SEMA6B: variants seen among roughly 807,000 people sequenced by gnomAD.
SEMA6B encodes semaphorin 6B.
Under a neutral mutation model 78.6 loss-of-function variants are expected in SEMA6B, and 47 were observed. The ratio of observed to expected loss-of-function variants is 0.60; its 90% CI spans 0.47 to 0.76. The LOEUF is 0.76. Among genes scored for constraint, SEMA6B ranks in the 30% least tolerant of loss-of-function variants. The probability of loss-of-function intolerance (pLI) is 0.00; values close to 1 mark genes in which losing one functional copy is unlikely to be tolerated. For missense variants in SEMA6B, 1,213 were observed against 1,269.9 expected (o/e 0.96, Z 0.68); for synonymous variants, 632 against 592.2 (o/e 1.07, Z -0.98).
chr19:4,551,532 T>C (rs747567695), intron 10 of SEMA6B, among the ~76,000 whole-genome samples: 10 of 151,750 alleles, frequency 6.6e-5, no homozygotes, highest in Non-Finnish European at 1.2e-4. Context: ...AAGCAGGCTT[T>C]TTAAAAATGC....
rs1977070963 is a variant in SEMA6B at position 4,543,390 on chromosome 19, C to G, written c.*211G>C. ...GCAAAGTCCTCCCGCCCACCCACCC[C>G]CAAACCGTCTCAGCGTCCTGCGGCC... is the stretch of plus-strand genomic sequence containing the variant. On this transcript the variant is annotated 3_prime_UTR_variant, in exon 17 of 17. Transcript: ENST00000586582. 1 of 405,698 alleles carries G rather than the reference C, an allele frequency of 2.5e-6. No individual in the cohort carries two copies. Among genetic ancestry groups the G allele is most frequent in the Non-Finnish European group, 4.3e-6 (1 of 230,286 alleles). The allele number at this position is 405,698 out of a possible 1,614,324, so 25.1% of individuals were successfully genotyped here. A position where few individuals can be genotyped will look rare whatever the true frequency, so the allele number is the denominator to read the frequency against.
Position 4,552,538 on chromosome 19 carries a change from G to A in SEMA6B, c.873C>T (p.Asn291=). The A allele has an allele frequency of 6.2e-7, 1 of 1,612,936 alleles. No homozygotes were observed. The highest frequency in any genetic ancestry group is 8.5e-7 in the Non-Finnish European group (1 of 1,179,986). The stretch of plus-strand genomic sequence containing the variant: ...AATGGGAGTCTCCGGGTACAGAGCA[G>A]TTGAGCCGCGCCTTCAGGAAGGACG... ...QWTSFLKARL[N]CSVPGDSHFY... The change falls in exon 10 of 17, where the codon AAC becomes AAT. Residue 291 remains asparagine (N), a synonymous_variant. Transcript: ENST00000586582. This position sits in a 1 kb window ranked among gnomAD's most constrained non-coding sequence, Gnocchi z 7.4.
Position 4,550,511 on chromosome 19 carries a change from G to GTA in SEMA6B, c.1122-240_1122-239insTA, listed in dbSNP as rs1977299798. ...CCCGAGTGGCTGGGATTACAGGCACGTGCCATCACGCCCGGCTAATTTTTG... is the reference window on the plus strand; with the variant it reads ...CCCGAGTGGCTGGGATTACAGGCACGTATGCCATCACGCCCGGCTAATTTTTG... On this transcript the variant is annotated intron_variant, in intron 11 of 16. Coordinates refer to ENST00000586582, the MANE Select transcript of SEMA6B (RefSeq NM_032108.4). This position sits in a 1 kb window ranked among gnomAD's most constrained non-coding sequence, Gnocchi z 6.6. Among the ~76,000 whole-genome samples, 2 of 152,068 alleles carry GTA rather than the reference G, an allele frequency of 1.3e-5. No individual in the cohort carries two copies. The highest frequency in any genetic ancestry group is 2.1e-4 in the South Asian group (1 of 4,822).
At chr19:4,547,262 G>C (rs539064810) in intron 14 of SEMA6B, among the ~76,000 whole-genome samples, 18 of 152,254 alleles carry the variant, frequency 1.2e-4, no homozygotes, top group Admixed American at 5.9e-4. Context: ...GAGCTACCAA[G>C]CCCAGTCCCT....
chr19:4,558,209 G>A lies in SEMA6B; in HGVS notation c.122-60C>T. The A allele has an allele frequency of 7.3e-7, 1 of 1,365,366 alleles. No individual in the cohort carries two copies. The highest frequency in any genetic ancestry group is 9.6e-7 in the Non-Finnish European group (1 of 1,045,178). 84.6% of individuals were successfully genotyped at this position (1,365,366 alleles called of 1,614,324 possible). On this transcript the variant is annotated intron_variant, in intron 2 of 16. Coordinates refer to ENST00000586582, the MANE Select transcript of SEMA6B (RefSeq NM_032108.4). This position sits in a 1 kb window ranked among gnomAD's most constrained non-coding sequence, Gnocchi z 5.1. ...GCTGGGGGTGAAGAGAGGGTGGCCT[G>A]AGGTCATGCCCCTTCTAGGGGTGGC...
At position 4,556,950 on chromosome 19, in the gene SEMA6B, C is replaced by G; in HGVS notation, c.369+1G>C. 1.2e-6 allele frequency: 2 copies of G among 1,612,740 alleles called. No homozygotes were observed. Among genetic ancestry groups the G allele is most frequent in the Non-Finnish European group, 1.7e-6 (2 of 1,179,312 alleles). On this transcript the variant is annotated splice_donor_variant, in intron 5 of 16. Transcript: ENST00000586582. LOFTEE classifies it high-confidence loss of function. ...CCGGGACCGAGCCAGGGCCAACTCA[C>G]CTCCTGTTTGCCCTTCATCCGACAC...
At position 4,544,535 on chromosome 19, in the gene SEMA6B, C is replaced by T; in HGVS notation, c.1739-6G>A. ...GAGGCTGGCCCGCAGGAGTCCTGGC[C>T]GGGGAGCACAGGGGGGTTAGTGGGG... On this transcript the variant is annotated splice_polypyrimidine_tract_variant and splice_region_variant and intron_variant, in intron 16 of 16. Coordinates refer to ENST00000586582, the MANE Select transcript of SEMA6B (RefSeq NM_032108.4). This position sits in a 1 kb window ranked among gnomAD's most constrained non-coding sequence, Gnocchi z 5.1. 1.3e-6 allele frequency: 2 copies of T among 1,503,032 alleles called. No individual in the cohort carries two copies. Among genetic ancestry groups the T allele is most frequent in the East Asian group, 2.7e-5 (1 of 37,002 alleles). The allele number at this position is 1,503,032 out of a possible 1,614,324, so 93.1% of individuals were successfully genotyped here.
intron 12 of SEMA6B, among the ~76,000 whole-genome samples, chr19:4,548,761 G>A (rs1415429952): frequency 5.3e-5 from 8 of 152,162 alleles, no homozygotes; most frequent in Admixed American, 6.5e-5. Flanking sequence ...TCCGCCTCCC[G>A]GGTTCAAGCA....
Position 4,558,491 on chromosome 19 carries a change from T to A in SEMA6B, c.-32-2A>T. On this transcript the variant is annotated splice_acceptor_variant, in intron 1 of 16. Coordinates refer to ENST00000586582, the MANE Select transcript of SEMA6B (RefSeq NM_032108.4). LOFTEE classifies it low-confidence loss of function (5UTR_SPLICE). The surrounding 1 kb of genome is among the most constrained non-coding windows in gnomAD (Gnocchi z 5.1). ...CCAGGCGACAGGAGGAGGTGACGCC[T>A]GCGGGCAAGGGGCGGCGAGGTGAGC... The A allele has an allele frequency of 8.1e-7, 1 of 1,236,304 alleles. No homozygotes were observed. The highest frequency in any genetic ancestry group is 3.2e-5 in the East Asian group (1 of 31,712). 76.6% of individuals were successfully genotyped at this position (1,236,304 alleles called of 1,614,324 possible).
chr19:4,556,091 TG>T lies in SEMA6B; in HGVS notation c.370-3del, dbSNP rs770534759. 2 of 1,610,818 alleles carry T rather than the reference TG, an allele frequency of 1.2e-6. No homozygotes were observed. The highest frequency in any genetic ancestry group is 1.1e-5 in the South Asian group (1 of 91,028). The stretch of plus-strand genomic sequence containing the variant: ...CTTTACGAAGTTTCGACACTCGCCC[TG>T]AGGTGGGGACAGGAGGAAGCGGGGA... On this transcript the variant is annotated splice_region_variant and splice_polypyrimidine_tract_variant and intron_variant, in intron 5 of 16. Coordinates refer to ENST00000586582, the MANE Select transcript of SEMA6B (RefSeq NM_032108.4).
In SEMA6B at chr19:4,555,399, C is replaced by A; in HGVS notation, c.562+75G>T. 1.5e-6 allele frequency: 2 copies of A among 1,340,178 alleles called. No homozygotes were observed. 83.0% of individuals were successfully genotyped at this position (1,340,178 alleles called of 1,614,324 possible). On this transcript the variant is annotated intron_variant, in intron 7 of 16. Transcript: ENST00000586582. This position sits in a 1 kb window ranked among gnomAD's most constrained non-coding sequence, Gnocchi z 6.1. ...TCGTCCAGCTGCCTTCTAAACAACC[C>A]AGACGCTGGAGTAGAAAATGCCAGG...
At chr19:4,553,344 G>T (rs1977380239) in intron 9 of SEMA6B, among the ~76,000 whole-genome samples, 1 of 148,758 alleles carries the variant, frequency 6.7e-6, no homozygotes, top group African/African-American at 2.5e-5. Flanking sequence ...ATGGATGGAT[G>T]GGTGAGTTGG....
In SEMA6B at chr19:4,544,837, G is replaced by A. The variant is rs28397120; in HGVS notation, c.1739-308C>T. 0.099 allele frequency among the ~76,000 whole-genome samples: 15,080 copies of A among 152,034 alleles called. 1,385 individuals carry two copies. The highest frequency in any genetic ancestry group is 0.24 in the African/African-American group (9,944 of 41,448). ...TTTTAGTAGGATGGGGTTTCACCAC[G>A]TTGGCCAGGCTGGTCTGAACTCCTG... On this transcript the variant is annotated intron_variant, in intron 16 of 16. Coordinates refer to ENST00000586582, the MANE Select transcript of SEMA6B (RefSeq NM_032108.4). This position sits in a 1 kb window ranked among gnomAD's most constrained non-coding sequence, Gnocchi z 5.1.
rs1207249004 is a variant in SEMA6B at position 4,548,369 on chromosome 19, C to T, written c.1348G>A (p.Glu450Lys). The T allele has an allele frequency of 1.9e-6, 3 of 1,613,796 alleles. No individual in the cohort carries two copies. The African/African-American group carries it at 4.0e-5, about 22-fold the overall frequency. The change falls in exon 13 of 17, where the codon GAG (glutamate) becomes AAG (lysine). Residue 450 changes from glutamate (E) to lysine (K), a missense_variant. Transcript: ENST00000586582. ...AGGAACTTGAGGACCGTCCCCGCCT[C>T]AGAACCCAGGAAGACAACGGTCTGG... ...GNQTVVFLGS[E>K]AGTVLKFLVR...
chr19:4,555,528 C>T lies in SEMA6B; in HGVS notation c.508G>A (p.Gly170Ser). 13 of 1,613,548 alleles carry T rather than the reference C, an allele frequency of 8.1e-6. No individual in the cohort carries two copies. Among genetic ancestry groups the T allele is most frequent in the African/African-American group, 1.3e-5 (1 of 74,998 alleles). ...GGGTCGTACGGGCAGCGGGCCATAC[C>T]GCTGATGTTGTCTCCGACGGGCTGC... Reference protein sequence around the residue: ...TLQPVGDNISGMARCPYDPKH... With the variant: ...TLQPVGDNISSMARCPYDPKH... The change falls in exon 7 of 17, where the codon GGT becomes AGT. Residue 170 changes from glycine to serine, a missense_variant. Transcript: ENST00000586582. The surrounding 1 kb of genome is among the most constrained non-coding windows in gnomAD (Gnocchi z 6.1).
rs970908239 is a variant in SEMA6B, at chr19:4,548,141, T to C, written c.1487A>G (p.Gln496Arg). 1.4e-5 allele frequency: 23 copies of C among 1,592,382 alleles called. No individual in the cohort carries two copies. Among genetic ancestry groups the C allele is most frequent in the Non-Finnish European group, 2.0e-5 (23 of 1,170,616 alleles). Residue 496 changes from glutamine (Q) to arginine (R), a missense_variant, in exon 14 of 17, where the codon CAG becomes CGG. Transcript: ENST00000586582. ...GTCCAGCTCCAAGCTCAGCAGCCGCTGCCCTGTCTCGCCACCGCCGGGCCG... is the reference window on the plus strand; with the variant it reads ...GTCCAGCTCCAAGCTCAGCAGCCGCCGCCCTGTCTCGCCACCGCCGGGCCG... The part of the protein sequence containing the change: ...CGRPGGGETG[Q>R]RLLSLELDAA...
Position 4,544,484 on chromosome 19 carries a change from G to A in SEMA6B, c.1784C>T (p.Ser595Leu), listed in dbSNP as rs761365296. Residue 595 changes from serine to leucine, a missense_variant, in exon 17 of 17, where the codon TCG (serine) becomes TTG (leucine). Coordinates refer to ENST00000586582, the MANE Select transcript of SEMA6B (RefSeq NM_032108.4). The surrounding 1 kb of genome is among the most constrained non-coding windows in gnomAD (Gnocchi z 5.1). ...SLSEDRAGLV[S>L]VNLLVTSSVA... ...CGACGACGTTACCAGCAGGTTCACCGACACCAGCCCCGCGCGGTCCTCGGA... is the reference window on the plus strand; with the variant it reads ...CGACGACGTTACCAGCAGGTTCACCAACACCAGCCCCGCGCGGTCCTCGGA... The A allele has an allele frequency of 1.6e-5, 26 of 1,593,792 alleles. No homozygotes were observed. The highest frequency in any genetic ancestry group is 2.1e-5 in the Non-Finnish European group (25 of 1,171,244).
At position 4,550,976 on chromosome 19, in the gene SEMA6B, C is replaced by A. The variant is rs747304004; in HGVS notation, c.990-46G>T. ...AGTTTGGTGAGCCCGGTGGGAGGCC[C>A]CATCTCGGACAAGTGCGTGCAGGAG... On this transcript the variant is annotated intron_variant, in intron 10 of 16. Coordinates refer to ENST00000586582, the MANE Select transcript of SEMA6B (RefSeq NM_032108.4). The surrounding 1 kb of genome is among the most constrained non-coding windows in gnomAD (Gnocchi z 6.6). The A allele has an allele frequency of 6.2e-7, 1 of 1,608,526 alleles. No individual in the cohort carries two copies. Among genetic ancestry groups the A allele is most frequent in the Non-Finnish European group, 8.5e-7 (1 of 1,176,842 alleles).
chr19:4,555,370 G>A lies in SEMA6B; in HGVS notation c.562+104C>T. 9.8e-7 allele frequency: 1 copy of A among 1,022,956 alleles called. No homozygotes were observed. Among genetic ancestry groups the A allele is most frequent in the Non-Finnish European group, 1.4e-6 (1 of 691,056 alleles). 63.4% of individuals were successfully genotyped at this position (1,022,956 alleles called of 1,614,324 possible). The stretch of plus-strand genomic sequence containing the variant: ...TCTGCCCATGTCACAGCTGGGACAA[G>A]TGGTCGTCCAGCTGCCTTCTAAACA... On this transcript the variant is annotated intron_variant, in intron 7 of 16. Transcript: ENST00000586582. The surrounding 1 kb of genome is among the most constrained non-coding windows in gnomAD (Gnocchi z 6.1).
Sources: allele counts gnomAD v4.1 joint callset (sites outside exome capture counted in the v4.1 genomes callset), GRCh38; gene constraint gnomAD v4.1.1; non-coding constraint Gnocchi (gnomAD v3.1); transcripts MANE v1.5; gene names NCBI Gene and HGNC (gene_info 2026-07-23, HGNC 2026-07-21).